The following ZBTB20 variants were observed in gnomAD, a reference collection of about 807,000 sequenced individuals.
ZBTB20 encodes zinc finger and BTB domain containing 20, also known as zinc finger and BTB domain-containing protein 20.
Under a neutral mutation model 56.9 loss-of-function variants are expected in ZBTB20, and 9 were observed. The observed-to-expected ratio is 0.16, with a 90% confidence interval of 0.10 to 0.28. The LOEUF (loss-of-function observed/expected upper bound fraction) is 0.28, where lower values mean the gene tolerates loss of function less well. ZBTB20 is among the 10% of genes least tolerant of loss of function. ZBTB20 has a pLI of 1.00. For missense variants in ZBTB20, 655 were observed against 1,003.0 expected (o/e 0.65, Z 4.69); for synonymous variants, 417 against 420.7 (o/e 0.99, Z 0.11).
chr3:114,814,430 A>T (rs1299376824), intron 4 of ZBTB20, among the ~76,000 whole-genome samples: 1 of 152,014 alleles, frequency 6.6e-6, no homozygotes, highest in East Asian at 1.9e-4. Flanking sequence ...AATTTACTAT[A>T]TGATACCCCA....
At chr3:114,587,612 G>T (rs1045600134) in intron 6 of ZBTB20, among the ~76,000 whole-genome samples, 1 of 152,134 alleles carries the variant, frequency 6.6e-6, no homozygotes, top group Non-Finnish European at 1.5e-5. Context: ...TATTTTTTCA[G>T]ATGTGAGAAC....
intron 10 of ZBTB20, among the ~76,000 whole-genome samples, chr3:114,373,022 TTC>T (rs1199569495): frequency 6.6e-6 from 1 of 152,018 alleles, no homozygotes; most frequent in African/African-American, 2.4e-5. Flanking sequence ...GTTCAAGCGA[TTC>T]TCCTACCTCA....
At chr3:114,399,805 C>T (rs1406174747) in intron 7 of ZBTB20, among the ~76,000 whole-genome samples, 1 of 151,886 alleles carries the variant, frequency 6.6e-6, no homozygotes, top group Admixed American at 6.6e-5. Context: ...AGCCTGAGAT[C>T]TCTGGATCTC....
At chr3:114,591,097 A>G (rs1242892507) in intron 6 of ZBTB20, among the ~76,000 whole-genome samples, 4 of 152,216 alleles carry the variant, frequency 2.6e-5, no homozygotes, top group Non-Finnish European at 5.9e-5. Context: ...TCCAAGATAA[A>G]AAAAGTCAAT....
At chr3:114,442,046 C>T (rs1219459790) in intron 7 of ZBTB20, among the ~76,000 whole-genome samples, 2 of 152,148 alleles carry the variant, frequency 1.3e-5, no homozygotes, top group Admixed American at 1.3e-4. Flanking sequence ...GCAGGATTTA[C>T]ACTGATGGAG....
At chr3:115,051,667 G>A (rs1008090963) in intron 2 of ZBTB20, among the ~76,000 whole-genome samples, 12 of 152,078 alleles carry the variant, frequency 7.9e-5, no homozygotes, top group Non-Finnish European at 1.5e-4. Flanking sequence ...TGACAAACCC[G>A]TGTTTTGTAA....
intron 5 of ZBTB20, among the ~76,000 whole-genome samples, chr3:114,697,240 C>A (rs1156670181): frequency 1.3e-5 from 2 of 151,956 alleles, no homozygotes; most frequent in Non-Finnish European, 2.9e-5. Flanking sequence ...ACACACCCGT[C>A]TTCCTTATAC....
At chr3:114,366,683 T>A (rs1338854342) in intron 10 of ZBTB20, 1 of 152,246 alleles carries the variant, frequency 6.6e-6, no homozygotes, top group Non-Finnish European at 1.5e-5. Context: ...CATGTGTCTC[T>A]GGAATTCTAC....
intron 5 of ZBTB20, 146 bp from the exon 6 acceptor site, chr3:114,693,721 T>A (rs1304292726): frequency 6.6e-6 from 1 of 152,136 alleles, no homozygotes; most frequent in Non-Finnish European, 1.5e-5. Flanking sequence ...GATGTTTCCC[T>A]TTGGGAATGG....
intron 5 of ZBTB20, among the ~76,000 whole-genome samples, chr3:114,707,858 T>C (rs1266144921): frequency 3.3e-5 from 5 of 152,188 alleles, no homozygotes; most frequent in African/African-American, 1.2e-4. Flanking sequence ...AAGTATCCTG[T>C]AGTCTGCTGG....
intron 5 of ZBTB20, among the ~76,000 whole-genome samples, chr3:114,720,483 C>A (rs1038929568): frequency 7.9e-5 from 12 of 151,930 alleles, no homozygotes; most frequent in Non-Finnish European, 1.5e-4. Flanking sequence ...GAAATAGAAT[C>A]CATTAGTAGC....
intron 6 of ZBTB20, among the ~76,000 whole-genome samples, chr3:114,501,706 C>CT (rs1292454526): frequency 2.5e-5 from 3 of 121,996 alleles, no homozygotes; most frequent in Non-Finnish European, 5.3e-5. Flanking sequence ...GTTTTTTTTT[C>CT]TTTCTTTTTT....
intron 3 of ZBTB20, among the ~76,000 whole-genome samples, chr3:114,937,379 C>CT (rs1367153900): frequency 6.6e-6 from 1 of 151,504 alleles, no homozygotes; most frequent in African/African-American, 2.4e-5. Flanking sequence ...TGATGACGAG[C>CT]TTTTTTTCAT....
At chr3:114,499,200 A>AAT in intron 7 of ZBTB20, among the ~76,000 whole-genome samples, 1 of 152,140 alleles carries the variant, frequency 6.6e-6, no homozygotes, top group Non-Finnish European at 1.5e-5. Flanking sequence ...GACAGGTAGG[A>AAT]CCCACCCCTG....
intron 10 of ZBTB20, among the ~76,000 whole-genome samples, chr3:114,353,463 T>C (rs532226050): frequency 1.3e-5 from 2 of 152,344 alleles, no homozygotes; most frequent in African/African-American, 4.8e-5. Flanking sequence ...TATAAGAGCA[T>C]TCTTTCTCGT....
chr3:114,364,278 C>T (rs1178136607), intron 10 of ZBTB20, among the ~76,000 whole-genome samples: 1 of 152,136 alleles, frequency 6.6e-6, no homozygotes, highest in Non-Finnish European at 1.5e-5. Context: ...ATGGTGAAAC[C>T]TCGTCTCTTC....
At chr3:114,749,014 A>C (rs1042883753) in intron 5 of ZBTB20, among the ~76,000 whole-genome samples, 2 of 152,204 alleles carry the variant, frequency 1.3e-5, no homozygotes, top group African/African-American at 2.4e-5. Flanking sequence ...TTTGGAGGAA[A>C]AGGTAGGACA....
intron 2 of ZBTB20, among the ~76,000 whole-genome samples, chr3:115,043,485 C>T (rs2081222295): frequency 6.6e-6 from 1 of 151,598 alleles, no homozygotes; most frequent in Non-Finnish European, 1.5e-5. Context: ...AAGAGACTCG[C>T]TTGAAACCAG....
At chr3:114,780,298 A>G (rs1464622) in intron 5 of ZBTB20, among the ~76,000 whole-genome samples, 130,791 of 152,164 alleles carry the variant, frequency 0.86, 57,062 homozygotes, top group East Asian at 0.98. Context: ...GTTTTTCATT[A>G]AGACAAAAAT....
Sources: allele counts gnomAD v4.1 joint callset (sites outside exome capture counted in the v4.1 genomes callset), GRCh38; gene constraint gnomAD v4.1.1; transcripts MANE v1.5; gene names NCBI Gene and HGNC (gene_info 2026-07-23, HGNC 2026-07-21).